COL17A1: variants seen among roughly 807,000 people sequenced by gnomAD.
COL17A1 encodes the protein collagen type XVII alpha 1 chain, also known as collagen alpha-1(XVII) chain.
In COL17A1, 181 loss-of-function variants were observed where a neutral mutation model predicts 218.4. The ratio of observed to expected loss-of-function variants is 0.83; its 90% confidence interval spans 0.73 to 0.94. COL17A1 has a LOEUF of 0.94. Ranked by LOEUF, COL17A1 falls within the 40% of genes least tolerant of loss-of-function variation. The probability of loss-of-function intolerance (pLI) is 0.00; values close to 1 mark genes in which losing one functional copy is unlikely to be tolerated. For missense variants in COL17A1, 1,924 were observed against 1,945.9 expected, an observed-to-expected ratio of 0.99 and a Z score of 0.21; for synonymous variants, 721 against 731.0, an observed-to-expected ratio of 0.99 and a Z score of 0.22.
intron 27 of COL17A1, among the ~76,000 whole-genome samples, 188 bp from the exon 28 acceptor site, chr10:104,050,312 TC>T (rs1452948699): frequency 6.6e-6 from 1 of 151,574 alleles, no homozygotes; most frequent in African/African-American, 2.4e-5. Context: ...CAGAGTCAGT[TC>T]CCCCCCTACA....
chr10:104,064,429 G>A lies in COL17A1; in HGVS notation c.766+9C>T, dbSNP rs777978017. 6.9e-5 allele frequency: 111 copies of A among 1,613,854 alleles called. No individual in the cohort carries two copies. The highest frequency in any genetic ancestry group is 1.7e-4 in the Middle Eastern group (1 of 5,980). ...GGGTGAGAGAGGGTGTGGGCTGCCC[G>A]CCAGGTACCTGATCCCGCAGAGTAG... On this transcript the variant is annotated intron_variant, in intron 10 of 55. Transcript: ENST00000648076.
At position 104,033,979 on chromosome 10, in the gene COL17A1, A is replaced by G. The variant is rs550596897; in HGVS notation, c.4122T>C (p.Asn1374=). ...GADFAGDLDY[N]ELAVRVSESM... ...TCTCTGACACCCTCACAGCCAGCTC[A>G]TTGTAATCCAGATCTCCAGCAAAGT... is the stretch of plus-strand genomic sequence containing the variant. The change falls in exon 52 of 56, where the codon AAT becomes AAC. Residue 1374 remains asparagine, a synonymous_variant. Transcript: ENST00000648076. 65 of 1,614,096 alleles carry G rather than the reference A, an allele frequency of 4.0e-5. No homozygotes were observed. The South Asian group carries it at 6.9e-4, about 17-fold the overall frequency.
rs2086246116 is a variant in COL17A1 at position 104,034,117 on chromosome 10, A to G, written c.3984T>C (p.Gly1328=). The stretch of plus-strand genomic sequence containing the variant: ...AGGGACCCCTGTCTCCTGCAGCTTC[A>G]CCAAAGGCACCGCCTGCACCCAGGG... ...AGSLGAGGAF[G]EAAGDRGPYG... The change falls in exon 52 of 56, where the codon GGT becomes GGC. Residue 1328 remains glycine (G), a synonymous_variant. Coordinates refer to ENST00000648076, the MANE Select transcript of COL17A1 (RefSeq NM_000494.4). The G allele has an allele frequency of 1.9e-6, 3 of 1,613,978 alleles. No homozygotes were observed. The highest frequency in any genetic ancestry group is 2.5e-6 in the Non-Finnish European group (3 of 1,180,012).
chr10:104,036,092 GTGTGTGTATGGGAGT>G, intron 48 of COL17A1, among the ~76,000 whole-genome samples: 2 of 5,818 alleles, frequency 3.4e-4, no homozygotes, highest in Admixed American at 2.8e-3. Flanking sequence ...GTATGGGAGT[GTGTGTGTATGGGAGT>G]GTGTGTGTAT....
rs17116350 is a variant in COL17A1, at chr10:104,033,992, T to C, written c.4109A>G (p.Asp1370Gly). Residue 1370 changes from aspartate (D) to glycine (G), a missense_variant, in exon 52 of 56, where the codon GAT becomes GGT. Physicochemically the swap from Asp to Gly is moderately conservative, Grantham distance 94. Coordinates refer to ENST00000648076, the MANE Select transcript of COL17A1 (RefSeq NM_000494.4). ...GGLLGADFAG[D>G]LDYNELAVRV... ...CACAGCCAGCTCATTGTAATCCAGA[T>C]CTCCAGCAAAGTCAGCTCCCAATAG... is the stretch of plus-strand genomic sequence containing the variant. 0.25 allele frequency: 398,489 copies of C among 1,613,936 alleles called. 50,100 individuals carry two copies. Among genetic ancestry groups the C allele is most frequent in the African/African-American group, 0.37 (28,003 of 74,942 alleles).
chr10:104,060,569 C>T (rs1292043651), intron 13 of COL17A1, among the ~76,000 whole-genome samples: 1 of 152,064 alleles, frequency 6.6e-6, no homozygotes, highest in African/African-American at 2.4e-5. Flanking sequence ...ATTATAGGAT[C>T]TTTATTGAAT....
rs1361410595 is a variant in COL17A1, at chr10:104,034,288, C to T, written c.3813G>A (p.Gly1271=). The T allele has an allele frequency of 2.5e-6, 4 of 1,585,076 alleles. No individual in the cohort carries two copies. The stretch of plus-strand genomic sequence containing the variant: ...GGCTGTCCCCAGGGGGTCCCTGCGG[C>T]CCAGGAGGGCCTGGGGGGCCAACAA... ...SFIVGPPGPP[G]PQGPPGDSRL... Residue 1271 remains glycine (G), a synonymous_variant, in exon 52 of 56, where the codon GGG becomes GGA. Coordinates refer to ENST00000648076, the MANE Select transcript of COL17A1 (RefSeq NM_000494.4).
chr10:104,049,286 G>C, intron 29 of COL17A1, 123 bp downstream of exon 29: 1 of 856,978 alleles, frequency 1.2e-6, no homozygotes, highest in East Asian at 2.6e-5. Flanking sequence ...GGTCAAGGGA[G>C]ACTCTACCAG....
At chr10:104,068,473 G>T (rs2086644691) in intron 9 of COL17A1, among the ~76,000 whole-genome samples, 1 of 152,298 alleles carries the variant, frequency 6.6e-6, no homozygotes, top group African/African-American at 2.4e-5. Flanking sequence ...TGTGAAAAAG[G>T]TAGATTATCC....
intron 32 of COL17A1, 84 bp from the exon 33 acceptor site, chr10:104,045,877 T>G (rs2086404411): frequency 9.1e-7 from 1 of 1,098,396 alleles, no homozygotes; most frequent in Admixed American, 1.7e-5. Context: ...GCTCCGTCAC[T>G]CAGCACAGCC....
intron 11 of COL17A1, among the ~76,000 whole-genome samples, chr10:104,063,288 T>C (rs891337107): frequency 6.6e-6 from 1 of 152,336 alleles, no homozygotes; most frequent in South Asian, 2.1e-4. Flanking sequence ...TATGTTTGCA[T>C]TGGAAGATAA....
intron 2 of COL17A1, among the ~76,000 whole-genome samples, chr10:104,078,833 G>A (rs542007445): frequency 1.8e-4 from 28 of 152,304 alleles, no homozygotes; most frequent in African/African-American, 5.3e-4. Flanking sequence ...TATGCACTGC[G>A]TTTGAAACAT....
At position 104,040,390 on chromosome 10, in the gene COL17A1, G is replaced by A; in HGVS notation, c.2722C>T (p.Pro908Ser). The change falls in exon 40 of 56, where the codon CCA becomes TCA. Residue 908 changes from proline (P) to serine (S), a missense_variant. Physicochemically the swap from Pro to Ser is moderately conservative, Grantham distance 74. Transcript: ENST00000648076. ...GGACCTGGGGGGCCAGGTGGGCCTG[G>A]GGGGCCGGAGAGGAAGGTTTCTGCA... ...SNSETFLSGP[P>S]GPPGPPGPKG... 2 of 1,611,452 alleles carry A rather than the reference G, an allele frequency of 1.2e-6. No individual in the cohort carries two copies. The highest frequency in any genetic ancestry group is 1.7e-6 in the Non-Finnish European group (2 of 1,177,590).
At chr10:104,043,106 A>G (rs55791912) in intron 35 of COL17A1, among the ~76,000 whole-genome samples, 1,953 of 152,314 alleles carry the variant, frequency 0.013, 43 homozygotes, top group African/African-American at 0.044. Flanking sequence ...CCCTGGATGC[A>G]GAATATCAAA....
At chr10:104,073,504 G>C (rs1331625494) in intron 6 of COL17A1, among the ~76,000 whole-genome samples, 1 of 152,156 alleles carries the variant, frequency 6.6e-6, no homozygotes, top group Admixed American at 6.5e-5. Flanking sequence ...TGAATGTTAA[G>C]TTAGCTAAGG....
intron 51 of COL17A1, 119 bp from the exon 52 acceptor site, chr10:104,034,453 G>A: frequency 6.8e-7 from 1 of 1,473,856 alleles, no homozygotes; most frequent in Non-Finnish European, 9.1e-7. Context: ...TGAACTTCAG[G>A]GTTCTTGTAC....
Position 104,034,300 on chromosome 10 carries a change from T to G in COL17A1, c.3801A>C (p.Pro1267=), listed in dbSNP as rs1564669900. 6.3e-7 allele frequency: 1 copy of G among 1,576,610 alleles called. No individual in the cohort carries two copies. Among genetic ancestry groups the G allele is most frequent in the Non-Finnish European group, 8.6e-7 (1 of 1,165,514 alleles). The change falls in exon 52 of 56, where the codon CCA becomes CCC. Residue 1267 remains proline (P), a synonymous_variant. Coordinates refer to ENST00000648076, the MANE Select transcript of COL17A1 (RefSeq NM_000494.4). ...GGGGTCCCTGCGGCCCAGGAGGGCC[T>G]GGGGGGCCAACAATGAAGCTGCGCA... ...PDVRSFIVGP[P]GPPGPQGPPG...
In COL17A1 at chr10:104,070,476, G is replaced by C. The variant is rs371917934; in HGVS notation, c.557C>G (p.Pro186Arg). 3.1e-5 allele frequency: 50 copies of C among 1,614,032 alleles called. No individual in the cohort carries two copies. Among genetic ancestry groups the C allele is most frequent in the Non-Finnish European group, 4.2e-5 (50 of 1,180,044 alleles). Reference sequence around the variant, plus strand: ...TTTGGTCTCCACAGTGCCTTTCTTGGGGATGGGGAGTGTGTTGGAGGAATT... The same window carrying C: ...TTTGGTCTCCACAGTGCCTTTCTTGCGGATGGGGAGTGTGTTGGAGGAATT... ...TRNSSNTLPI[P>R]KKGTVETKIV... is the part of the protein sequence containing the mutation. Residue 186 changes from proline to arginine, a missense_variant, in exon 9 of 56, where the codon CCC becomes CGC. Pro to Arg is a moderately radical substitution (Grantham distance 103, BLOSUM62 -2). Transcript: ENST00000648076.
chr10:104,046,886 CAGA>C, intron 31 of COL17A1, 113 bp from the exon 32 acceptor site: 1 of 942,874 alleles, frequency 1.1e-6, no homozygotes, highest in East Asian at 2.6e-5. Context: ...TCAGTGGGTA[CAGA>C]AGGACACGTC....
Sources: gnomAD v4.1 joint callset for allele counts (sites outside exome capture counted in the v4.1 genomes callset) on GRCh38, gnomAD v4.1.1 for gene constraint, MANE v1.5 for transcripts, NCBI Gene and HGNC (gene_info 2026-07-23, HGNC 2026-07-21) for gene names.